TFPI: variants seen among roughly 807,000 people sequenced by gnomAD.
TFPI encodes tissue factor pathway inhibitor.
In TFPI, 15 loss-of-function variants were observed where a neutral mutation model predicts 34.6. The ratio of observed to expected loss-of-function variants is 0.43; its 90% CI spans 0.29 to 0.67. The LOEUF is 0.67. TFPI is among the 30% of genes least tolerant of loss of function. TFPI has a pLI of 0.15. For synonymous variants in TFPI, 105 were observed against 120.1 expected, an observed-to-expected ratio of 0.87 and a Z score of 0.82; for missense variants, 301 against 364.0, an observed-to-expected ratio of 0.83 and a Z score of 1.41.
At chr2:187,503,574 A>G in intron 2 of TFPI, 74 bp downstream of exon 2, 1 of 1,542,808 alleles carries the variant, frequency 6.5e-7, no homozygotes. Flanking sequence ...ACAATGGAAA[A>G]CTATGGTAGA....
intron 6 of TFPI, among the ~76,000 whole-genome samples, chr2:187,470,083 C>A (rs78668801): frequency 6.6e-6 from 1 of 152,090 alleles, no homozygotes; most frequent in Non-Finnish European, 1.5e-5. Flanking sequence ...AAATTACTAT[C>A]GCTTTTTTTC....
At chr2:187,514,745 T>G (rs1686878736) in intron 1 of TFPI, 1 of 152,124 alleles carries the variant, frequency 6.6e-6, no homozygotes, top group Admixed American at 6.5e-5. Context: ...GGAGGAAAAA[T>G]AAGACATTGT....
chr2:187,474,934 A>G (rs1692276560), intron 6 of TFPI, among the ~76,000 whole-genome samples: 1 of 152,172 alleles, frequency 6.6e-6, no homozygotes, highest in Non-Finnish European at 1.5e-5. Context: ...ATGAAGATAG[A>G]GCTCAAGTTT....
intron 1 of TFPI, among the ~76,000 whole-genome samples, chr2:187,522,164 T>C (rs1172916644): frequency 1.3e-5 from 2 of 152,164 alleles, no homozygotes; most frequent in African/African-American, 2.4e-5. Context: ...TTTCAGTTTG[T>C]CTTTTTATTC....
intron 1 of TFPI, among the ~76,000 whole-genome samples, chr2:187,544,870 T>A (rs1237179529): frequency 1.3e-5 from 2 of 152,170 alleles, no homozygotes; most frequent in East Asian, 3.9e-4. Flanking sequence ...AAACCAGCAC[T>A]TTGGGAGGCC....
chr2:187,535,058 C>T (rs1688174469), intron 1 of TFPI, among the ~76,000 whole-genome samples: 1 of 152,076 alleles, frequency 6.6e-6, no homozygotes, highest in Admixed American at 6.6e-5. Context: ...TACATATGCA[C>T]CAAATACAGG....
At chr2:187,467,631 T>C in intron 7 of TFPI, 122 bp downstream of exon 7, 1 of 875,468 alleles carries the variant, frequency 1.1e-6, no homozygotes, top group Non-Finnish European at 1.6e-6. Context: ...AGAGGACATT[T>C]ATTAGCTAGA....
intron 1 of TFPI, among the ~76,000 whole-genome samples, chr2:187,505,309 A>G (rs1482063757): frequency 6.6e-6 from 1 of 152,162 alleles, no homozygotes; most frequent in Non-Finnish European, 1.5e-5. Context: ...TGTCTTAAAA[A>G]ATGGCAGCCT....
intron 5 of TFPI, chr2:187,484,456 T>C (rs779332323): frequency 1.9e-6 from 1 of 522,462 alleles, no homozygotes; most frequent in Non-Finnish European, 3.3e-6. Context: ...TAATAAATGT[T>C]ATAGGCAGAT....
At chr2:187,543,203 G>A (rs545497508) in intron 1 of TFPI, among the ~76,000 whole-genome samples, 1 of 151,892 alleles carries the variant, frequency 6.6e-6, no homozygotes, top group Non-Finnish European at 1.5e-5. Context: ...TATTAAAATG[G>A]CTATGTGCAC....
chr2:187,551,052 T>TC (rs1689078022), intron 1 of TFPI, among the ~76,000 whole-genome samples: 1 of 152,146 alleles, frequency 6.6e-6, no homozygotes, highest in South Asian at 2.1e-4. Context: ...ACATTGTGCT[T>TC]GGTAATAAAA....
At chr2:187,538,718 C>G (rs754790865) in intron 1 of TFPI, among the ~76,000 whole-genome samples, 1 of 152,080 alleles carries the variant, frequency 6.6e-6, no homozygotes, top group African/African-American at 2.4e-5. Context: ...ACATGTACCC[C>G]AGAACTTAAA....
intron 2 of TFPI, among the ~76,000 whole-genome samples, chr2:187,501,088 T>G (rs1685819965): frequency 6.6e-6 from 1 of 152,074 alleles, no homozygotes; most frequent in Non-Finnish European, 1.5e-5. Context: ...TCCTGAGACT[T>G]GAAATTGAGA....
chr2:187,521,701 T>C (rs1289057003), intron 1 of TFPI, among the ~76,000 whole-genome samples: 1 of 152,032 alleles, frequency 6.6e-6, no homozygotes, highest in African/African-American at 2.4e-5. Flanking sequence ...CCCGAGTAGC[T>C]GGGATTACAG....
At chr2:187,538,026 C>T (rs1688360622) in intron 1 of TFPI, among the ~76,000 whole-genome samples, 1 of 152,138 alleles carries the variant, frequency 6.6e-6, no homozygotes, top group Non-Finnish European at 1.5e-5. Flanking sequence ...AAATCAAATC[C>T]ACAGTGAGAT....
chr2:187,478,554 G>A (rs978678834), intron 6 of TFPI: 1 of 1,304,062 alleles, frequency 7.7e-7, no homozygotes, highest in Non-Finnish European at 1.0e-6. Flanking sequence ...ACATTTACAA[G>A]TGAGGTGCAG....
chr2:187,485,043 A>T lies in TFPI; in HGVS notation c.359-56T>A, dbSNP rs1693160738. 1.9e-5 allele frequency: 24 copies of T among 1,277,812 alleles called. No homozygotes were observed. In the South Asian group the frequency reaches 5.1e-4, roughly 27 times the overall value. 79.2% of individuals were successfully genotyped at this position (1,277,812 alleles called of 1,614,324 possible). ...ATTCTTTTGTGTAAATAAATTACTG[A>T]TTTTAATAAAATTTATAAATACCTG... On this transcript the variant is annotated intron_variant, in intron 4 of 7. Coordinates refer to ENST00000233156, the MANE Select transcript of TFPI (RefSeq NM_006287.6).
At chr2:187,512,889 G>A (rs1436268074) in intron 1 of TFPI, among the ~76,000 whole-genome samples, 10 of 152,042 alleles carry the variant, frequency 6.6e-5, no homozygotes, top group South Asian at 2.1e-4. Flanking sequence ...GAAAGTTAAC[G>A]CATGTCAAAG....
chr2:187,467,650 T>C, intron 7 of TFPI, 103 bp downstream of exon 7: 1 of 1,054,626 alleles, frequency 9.5e-7, no homozygotes, highest in Non-Finnish European at 1.3e-6. Context: ...GATTATACTT[T>C]CTTATAATAA....
Sources: allele counts gnomAD v4.1 joint callset (sites outside exome capture counted in the v4.1 genomes callset), GRCh38; gene constraint gnomAD v4.1.1; transcripts MANE v1.5; gene names NCBI Gene and HGNC (gene_info 2026-07-23, HGNC 2026-07-21).